The following FAM184B variants were observed in gnomAD, a reference collection of about 807,000 sequenced individuals.
FAM184B encodes the protein protein FAM184B.
In FAM184B, 111 loss-of-function variants were observed where a neutral mutation model predicts 135.9. The ratio of observed to expected loss-of-function variants is 0.82; its 90% CI spans 0.70 to 0.96. FAM184B has a LOEUF of 0.96. FAM184B is among the 40% of genes least tolerant of loss of function. FAM184B has a pLI of 0.00. For missense variants in FAM184B, 1,375 were observed against 1,323.9 expected (o/e 1.04, Z -0.60); for synonymous variants, 552 against 524.8 (o/e 1.05, Z -0.71).
At chr4:17,708,370 C>T (rs1416811836) in intron 2 of FAM184B, among the ~76,000 whole-genome samples, 3 of 151,788 alleles carry the variant, frequency 2.0e-5, no homozygotes, top group South Asian at 2.1e-4. Flanking sequence ...GTGGGTGGGG[C>T]GCAGTGGCTC....
At position 17,707,775 on chromosome 4, in the gene FAM184B, C is replaced by T; in HGVS notation, c.904G>A (p.Val302Met). ...TCCTGTCGAGCCTCCTTAAGCTGCACATCCAGGTCCTAAACAGACAGGAAG... is the reference window on the plus strand; with the variant it reads ...TCCTGTCGAGCCTCCTTAAGCTGCATATCCAGGTCCTAAACAGACAGGAAG... ...KLKERIQDLD[V>M]QLKEARQENS... The change falls in exon 3 of 18, where the codon GTG (valine) becomes ATG (methionine). Residue 302 changes from valine (V) to methionine (M), a missense_variant. Transcript: ENST00000265018. 3 of 1,552,012 alleles carry T rather than the reference C, an allele frequency of 1.9e-6. No homozygotes were observed. Among genetic ancestry groups the T allele is most frequent in the East Asian group, 2.4e-5 (1 of 40,930 alleles).
At chr4:17,684,406 C>T (rs753606510) in intron 7 of FAM184B, among the ~76,000 whole-genome samples, 1 of 151,958 alleles carries the variant, frequency 6.6e-6, no homozygotes, top group African/African-American at 2.4e-5. Flanking sequence ...CCAATGTATA[C>T]CTTTATATAC....
At chr4:17,665,147 G>T (rs1464870782) in intron 7 of FAM184B, among the ~76,000 whole-genome samples, 1 of 152,196 alleles carries the variant, frequency 6.6e-6, no homozygotes, top group Non-Finnish European at 1.5e-5. Context: ...CTCATGGCTA[G>T]TGGTCAGTAA....
At chr4:17,739,373 A>G (rs988224498) in intron 1 of FAM184B, among the ~76,000 whole-genome samples, 1 of 152,054 alleles carries the variant, frequency 6.6e-6, no homozygotes, top group African/African-American at 2.4e-5. Flanking sequence ...TGTCCAGAGT[A>G]GAAAACTTCC....
At chr4:17,762,934 A>G (rs1718578113) in intron 1 of FAM184B, among the ~76,000 whole-genome samples, 1 of 152,154 alleles carries the variant, frequency 6.6e-6, no homozygotes, top group Non-Finnish European at 1.5e-5. Flanking sequence ...CTGACTTTTG[A>G]ATCACTGCAC....
At chr4:17,761,388 A>C (rs1718543915) in intron 1 of FAM184B, among the ~76,000 whole-genome samples, 1 of 152,182 alleles carries the variant, frequency 6.6e-6, no homozygotes, top group African/African-American at 2.4e-5. Context: ...CAGGCTCCAG[A>C]ACTGTGAGAA....
intron 9 of FAM184B, among the ~76,000 whole-genome samples, chr4:17,659,573 G>T (rs1192096782): frequency 6.6e-6 from 1 of 151,542 alleles, no homozygotes; most frequent in African/African-American, 2.4e-5. Flanking sequence ...TATAACCTCT[G>T]CCTCCCAGGT....
intron 1 of FAM184B, among the ~76,000 whole-genome samples, chr4:17,741,728 G>A (rs191747013): frequency 4.7e-4 from 71 of 152,152 alleles, no homozygotes; most frequent in African/African-American, 1.7e-3. Flanking sequence ...TAAAGTCCTA[G>A]GCAATATGGA....
At chr4:17,690,171 C>T (rs1185917087) in intron 6 of FAM184B, among the ~76,000 whole-genome samples, 2 of 151,826 alleles carry the variant, frequency 1.3e-5, no homozygotes, top group South Asian at 2.1e-4. Context: ...AAAGAATTTA[C>T]AACAATAAAC....
At chr4:17,779,793 A>G (rs1327019015) in intron 1 of FAM184B, among the ~76,000 whole-genome samples, 1 of 152,222 alleles carries the variant, frequency 6.6e-6, no homozygotes, top group Non-Finnish European at 1.5e-5. Flanking sequence ...AGCACCCAAG[A>G]CATAGTATAG....
intron 12 of FAM184B, among the ~76,000 whole-genome samples, chr4:17,643,528 G>A (rs1715382157): frequency 6.6e-6 from 1 of 152,008 alleles, no homozygotes; most frequent in Non-Finnish European, 1.5e-5. Flanking sequence ...CCATGGCCCA[G>A]TCCCCAGCTG....
intron 10 of FAM184B, among the ~76,000 whole-genome samples, chr4:17,655,093 G>A (rs946619835): frequency 2.0e-5 from 3 of 152,034 alleles, no homozygotes; most frequent in Non-Finnish European, 2.9e-5. Context: ...TGATCCTCCC[G>A]CATTGGCCTC....
intron 8 of FAM184B, among the ~76,000 whole-genome samples, chr4:17,661,528 G>A (rs1018970529): frequency 6.6e-6 from 1 of 152,174 alleles, no homozygotes; most frequent in Non-Finnish European, 1.5e-5. Flanking sequence ...ACTCCAGCCT[G>A]GGCAATGAGA....
At chr4:17,678,925 G>C (rs6836977) in intron 7 of FAM184B, among the ~76,000 whole-genome samples, 5,192 of 152,204 alleles carry the variant, frequency 0.034, 307 homozygotes, top group African/African-American at 0.12. Flanking sequence ...ACATAAAGTG[G>C]GGAAAGGACA....
At chr4:17,742,347 T>C (rs963567552) in intron 1 of FAM184B, among the ~76,000 whole-genome samples, 7 of 151,268 alleles carry the variant, frequency 4.6e-5, no homozygotes, top group African/African-American at 1.7e-4. Flanking sequence ...GGTGAGAGGA[T>C]TGCTTGAGCT....
intron 1 of FAM184B, among the ~76,000 whole-genome samples, chr4:17,766,983 CCAGCG>C (rs1718711740): frequency 6.6e-6 from 1 of 152,212 alleles, no homozygotes; most frequent in South Asian, 2.1e-4. Context: ...AGCGAGAATT[CCAGCG>C]CAGCGCCAGC....
chr4:17,707,566 G>C, intron 3 of FAM184B, 83 bp downstream of exon 3: 1 of 1,511,792 alleles, frequency 6.6e-7, no homozygotes, highest in South Asian at 1.3e-5. Flanking sequence ...TGCTCCCTTA[G>C]CAGGCTTAGG....
intron 6 of FAM184B, among the ~76,000 whole-genome samples, chr4:17,688,756 A>T (rs1323543565): frequency 1.4e-5 from 2 of 140,148 alleles, no homozygotes; most frequent in Non-Finnish European, 3.0e-5. Context: ...CAGTGGCACA[A>T]TCTTGGCTTA....
intron 5 of FAM184B, among the ~76,000 whole-genome samples, chr4:17,702,478 G>A (rs1717010971): frequency 6.6e-6 from 1 of 152,110 alleles, no homozygotes; most frequent in Non-Finnish European, 1.5e-5. Context: ...CTTTAGGGTA[G>A]GGTAGCACTT....
Sources: gnomAD v4.1 joint callset for allele counts (sites outside exome capture counted in the v4.1 genomes callset) on GRCh38, gnomAD v4.1.1 for gene constraint, MANE v1.5 for transcripts, NCBI Gene and HGNC (gene_info 2026-07-23, HGNC 2026-07-21) for gene names.